The following SNX30 variants were observed in gnomAD, a reference collection of about 807,000 sequenced individuals.
SNX30 encodes the protein sorting nexin family member 30, also known as sorting nexin-30.
A neutral mutation model predicts 46.4 loss-of-function variants in SNX30; 24 were observed. That is an observed-to-expected ratio of 0.52 (90% confidence interval 0.37 to 0.73). The LOEUF is 0.73. Among genes scored for constraint, SNX30 ranks in the 30% least tolerant of loss-of-function variants. The pLI is 0.00. For missense variants in SNX30, 533 were observed against 555.7 expected, an observed-to-expected ratio of 0.96 and a Z score of 0.41; for synonymous variants, 189 against 211.5, an observed-to-expected ratio of 0.89 and a Z score of 0.92.
intron 1 of SNX30, among the ~76,000 whole-genome samples, chr9:112,783,405 T>C (rs537269670): frequency 6.6e-6 from 1 of 152,352 alleles, no homozygotes; most frequent in South Asian, 2.1e-4. Context: ...ACATTTAATA[T>C]GTAAAGTGAC....
intron 2 of SNX30, among the ~76,000 whole-genome samples, chr9:112,816,573 C>A (rs1399991931): frequency 6.6e-6 from 1 of 152,122 alleles, no homozygotes; most frequent in Non-Finnish European, 1.5e-5. Flanking sequence ...AAGAATGAGT[C>A]CTTGAACTTC....
chr9:112,807,539 G>A (rs1840249823), intron 2 of SNX30, among the ~76,000 whole-genome samples: 1 of 152,118 alleles, frequency 6.6e-6, no homozygotes, highest in Non-Finnish European at 1.5e-5. Context: ...ATATTTCCAG[G>A]AATTATATCC....
At chr9:112,863,504 C>A (rs748982803) in intron 7 of SNX30, among the ~76,000 whole-genome samples, 6 of 152,242 alleles carry the variant, frequency 3.9e-5, no homozygotes, top group Non-Finnish European at 8.8e-5. Flanking sequence ...CTTCAAGTGA[C>A]ATAGTTCCCT....
At position 112,792,870 on chromosome 9, in the gene SNX30, ACTTT is replaced by A. The variant is rs1171137004; in HGVS notation, c.157-11901_157-11898del. Among the ~76,000 whole-genome samples, 4 of 131,854 alleles carry A rather than the reference ACTTT, an allele frequency of 3.0e-5. No homozygotes were observed. In the East Asian group the frequency reaches 6.8e-4, roughly 22 times the overall value. 86.5% of individuals were successfully genotyped at this position (131,854 alleles called of 152,430 possible). A position where few individuals can be genotyped will look rare whatever the true frequency, so the allele number is the denominator to read the frequency against. On this transcript the variant is annotated intron_variant, in intron 1 of 8. Transcript: ENST00000374232. ...GCTTTCATTTTTAGATTCTCTTTCC[ACTTT>A]CTTTAGGCTTTTTTTTTTCTTTTTC...
chr9:112,861,812 C>G (rs1178572870), intron 7 of SNX30, among the ~76,000 whole-genome samples: 1 of 152,238 alleles, frequency 6.6e-6, no homozygotes, highest in Non-Finnish European at 1.5e-5. Context: ...CATCTCACAT[C>G]TGTCATCTTT....
chr9:112,835,137 A>G (rs767633683), intron 4 of SNX30, among the ~76,000 whole-genome samples: 1 of 152,144 alleles, frequency 6.6e-6, no homozygotes, highest in East Asian at 1.9e-4. Flanking sequence ...CCCTCTAGTT[A>G]TACCCTTCTA....
intron 7 of SNX30, among the ~76,000 whole-genome samples, chr9:112,852,963 G>C (rs186727506): frequency 6.6e-6 from 1 of 152,156 alleles, no homozygotes; most frequent in African/African-American, 2.4e-5. Context: ...TTGGCTTTTT[G>C]TAGTGTCCTT....
chr9:112,812,790 T>C (rs938016139), intron 2 of SNX30, among the ~76,000 whole-genome samples: 1 of 152,206 alleles, frequency 6.6e-6, no homozygotes, highest in Non-Finnish European at 1.5e-5. Flanking sequence ...AATTTTTTAA[T>C]ATCCAGATAT....
chr9:112,861,571 T>C (rs1474734862), intron 7 of SNX30, among the ~76,000 whole-genome samples: 1 of 152,224 alleles, frequency 6.6e-6, no homozygotes, highest in Non-Finnish European at 1.5e-5. Context: ...GCTTTTTCTA[T>C]TCTCCAAGAG....
At chr9:112,784,797 C>G (rs1839895698) in intron 1 of SNX30, among the ~76,000 whole-genome samples, 1 of 152,184 alleles carries the variant, frequency 6.6e-6, no homozygotes, top group Admixed American at 6.5e-5. Flanking sequence ...CCAGGTCAAA[C>G]CTCCCTCTCT....
chr9:112,778,644 C>G (rs918022728), intron 1 of SNX30, among the ~76,000 whole-genome samples: 2 of 152,178 alleles, frequency 1.3e-5, no homozygotes, highest in African/African-American at 4.8e-5. Flanking sequence ...TAGACATCAT[C>G]TCTTGATGGG....
At chr9:112,828,258 T>C (rs1359414945) in intron 3 of SNX30, among the ~76,000 whole-genome samples, 1 of 152,278 alleles carries the variant, frequency 6.6e-6, no homozygotes, top group Non-Finnish European at 1.5e-5. Context: ...GTATTTTTAC[T>C]GTACCTTTTC....
chr9:112,861,308 CT>C (rs1443375999), intron 7 of SNX30, among the ~76,000 whole-genome samples: 1 of 151,920 alleles, frequency 6.6e-6, no homozygotes, highest in East Asian at 1.9e-4. Context: ...CTTAATCTGC[CT>C]TCTCTTTTTG....
chr9:112,838,743 A>C, intron 6 of SNX30, 46 bp downstream of exon 6: 1 of 1,551,558 alleles, frequency 6.4e-7, no homozygotes, highest in Non-Finnish European at 8.9e-7. Flanking sequence ...TCTTTGTAAT[A>C]GCAGTTATCA....
chr9:112,832,524 A>G (rs1445044163), intron 4 of SNX30, among the ~76,000 whole-genome samples: 2 of 136,410 alleles, frequency 1.5e-5, no homozygotes, highest in African/African-American at 2.8e-5. Context: ...AGATTTATCT[A>G]TCTGTGGGCC....
At chr9:112,879,658 TC>T, downstream of SNX30, 1 of 1,055,486 alleles carries the variant, frequency 9.5e-7, no homozygotes, top group East Asian at 2.4e-5. Flanking sequence ...AACGCAGGTT[TC>T]TTAAGCAGTG....
intron 1 of SNX30, among the ~76,000 whole-genome samples, chr9:112,796,894 G>A (rs1361066469): frequency 2.0e-5 from 3 of 151,972 alleles, no homozygotes; most frequent in East Asian, 1.9e-4. Context: ...TTTCCTGTAC[G>A]TTCTCTTGCA....
chr9:112,876,808 T>C (rs1434794320), downstream of SNX30, among the ~76,000 whole-genome samples: 1 of 152,068 alleles, frequency 6.6e-6, no homozygotes, highest in Non-Finnish European at 1.5e-5. Context: ...TGGTGGTGCG[T>C]GCTTGTATTC....
At chr9:112,882,495 C>G (rs866700161), downstream of SNX30, among the ~76,000 whole-genome samples, 32 of 152,160 alleles carry the variant, frequency 2.1e-4, no homozygotes, top group African/African-American at 7.2e-4. Flanking sequence ...ACTTTAAGGA[C>G]CTTGCTCTGG....
Sources: gnomAD v4.1 joint callset for allele counts (sites outside exome capture counted in the v4.1 genomes callset) on GRCh38, gnomAD v4.1.1 for gene constraint, MANE v1.5 for transcripts, NCBI Gene and HGNC (gene_info 2026-07-23, HGNC 2026-07-21) for gene names.